TAOK1: variants seen among roughly 807,000 people sequenced by gnomAD.
TAOK1 encodes serine/threonine-protein kinase TAO1.
TAOK1 carries 21 observed loss-of-function variants against 138.3 expected under a neutral mutation model. The ratio of observed to expected loss-of-function variants is 0.15; its 90% CI spans 0.11 to 0.22. The LOEUF is 0.22. Ranked by LOEUF, TAOK1 falls within the 10% of genes least tolerant of loss-of-function variation. The probability of loss-of-function intolerance (pLI) is 1.00; values close to 1 mark genes in which losing one functional copy is unlikely to be tolerated. For synonymous variants in TAOK1, 361 were observed against 398.4 expected (o/e 0.91, Z 1.12); for missense variants, 651 against 1,227.7 (o/e 0.53, Z 7.02).
chr17:29,427,102 G>C (rs998246359), intron 1 of TAOK1, among the ~76,000 whole-genome samples: 64 of 152,258 alleles, frequency 4.2e-4, no homozygotes, highest in African/African-American at 1.3e-3. Context: ...GCAGACATGG[G>C]GGTTTTGTGG....
chr17:29,437,167 G>C (rs1314567212), intron 1 of TAOK1, among the ~76,000 whole-genome samples: 1 of 152,040 alleles, frequency 6.6e-6, no homozygotes, highest in Non-Finnish European at 1.5e-5. Context: ...GGGTTCAAGC[G>C]ATTCTCCTGC....
At chr17:29,401,742 C>T (rs1166357391) in intron 1 of TAOK1, among the ~76,000 whole-genome samples, 1 of 151,890 alleles carries the variant, frequency 6.6e-6, no homozygotes, top group Non-Finnish European at 1.5e-5. Context: ...GAAACCTCTG[C>T]CTCTTGGGCT....
intron 15 of TAOK1, chr17:29,511,230 A>ATATT (rs749567341): frequency 2.4e-5 from 5 of 206,036 alleles, no homozygotes; most frequent in Non-Finnish European, 4.0e-5. Flanking sequence ...TTTTTATTTT[A>ATATT]TATTTATTTA....
At chr17:29,456,581 T>C (rs760215012) in intron 2 of TAOK1, among the ~76,000 whole-genome samples, 1 of 150,464 alleles carries the variant, frequency 6.6e-6, no homozygotes, top group African/African-American at 2.5e-5. Flanking sequence ...ATTTCAGATT[T>C]TGGATTTTCA....
intron 13 of TAOK1, among the ~76,000 whole-genome samples, chr17:29,504,315 AAAG>A (rs1462107341): frequency 2.0e-5 from 3 of 149,500 alleles, no homozygotes; most frequent in Admixed American, 6.7e-5. Context: ...GAAGAAAAGA[AAAG>A]AAAGAAAGAA....
At chr17:29,427,780 A>G (rs1040299898) in intron 1 of TAOK1, among the ~76,000 whole-genome samples, 7 of 151,988 alleles carry the variant, frequency 4.6e-5, no homozygotes, top group Non-Finnish European at 1.0e-4. Context: ...TACAAAAATT[A>G]GCTGGGCGTG....
intron 2 of TAOK1, among the ~76,000 whole-genome samples, chr17:29,461,773 T>C (rs1293997250): frequency 6.6e-6 from 1 of 151,874 alleles, no homozygotes; most frequent in African/African-American, 2.4e-5. Flanking sequence ...TTAATGCTGA[T>C]TTAGGGGGCC....
At chr17:29,391,345 C>T (rs1268170528) in intron 1 of TAOK1, among the ~76,000 whole-genome samples, 3 of 152,130 alleles carry the variant, frequency 2.0e-5, no homozygotes, top group African/African-American at 4.8e-5. Flanking sequence ...TCCCCTTCCC[C>T]TCTGGTGCCT....
At chr17:29,480,057 A>G (rs986037497) in intron 6 of TAOK1, 5 of 172,676 alleles carry the variant, frequency 2.9e-5, no homozygotes, top group Non-Finnish European at 4.9e-5. Flanking sequence ...ATTGCAATAT[A>G]TTTTAAAAAC....
At chr17:29,429,553 G>A (rs6505130) in intron 1 of TAOK1, among the ~76,000 whole-genome samples, 64,246 of 151,936 alleles carry the variant, frequency 0.42, 14,746 homozygotes, top group East Asian at 0.88. Context: ...TGGGACTACA[G>A]GTGTGAGCCA....
At chr17:29,429,326 A>T (rs1025131325) in intron 1 of TAOK1, among the ~76,000 whole-genome samples, 17 of 150,364 alleles carry the variant, frequency 1.1e-4, no homozygotes, top group African/African-American at 3.4e-4. Flanking sequence ...GGAGAGTCTC[A>T]CTCTGTCCCC....
At chr17:29,436,609 G>C (rs934219197) in intron 1 of TAOK1, among the ~76,000 whole-genome samples, 4 of 152,210 alleles carry the variant, frequency 2.6e-5, no homozygotes, top group Non-Finnish European at 5.9e-5. Flanking sequence ...CAAGTTGTCA[G>C]GGTAATTATA....
chr17:29,498,261 C>A, intron 11 of TAOK1, 57 bp from the exon 12 acceptor site: 2 of 1,581,914 alleles, frequency 1.3e-6, no homozygotes, highest in South Asian at 1.1e-5. Flanking sequence ...GTCAAGAATT[C>A]AGAAGAGAGA....
chr17:29,461,473 A>G (rs889704349), intron 2 of TAOK1, among the ~76,000 whole-genome samples: 2 of 152,222 alleles, frequency 1.3e-5, no homozygotes, highest in African/African-American at 2.4e-5. Flanking sequence ...GAATTTTTCT[A>G]TAGACAGGGC....
At chr17:29,540,463 C>A (rs2032296687) in intron 19 of TAOK1, among the ~76,000 whole-genome samples, 1 of 152,200 alleles carries the variant, frequency 6.6e-6, no homozygotes, top group Non-Finnish European at 1.5e-5. Flanking sequence ...CTCCCAAGTT[C>A]AAGTGATTCT....
At chr17:29,506,948 C>A (rs186791093) in intron 13 of TAOK1, among the ~76,000 whole-genome samples, 254 of 152,192 alleles carry the variant, frequency 1.7e-3, no homozygotes, top group African/African-American at 5.4e-3. Flanking sequence ...ATACATACTA[C>A]AACATGGATA....
rs527963389 is a variant in TAOK1, at chr17:29,470,010, AT to A, written c.204+2797del. ...TATGATCTTAAATCTAGTATACAAC[AT>A]TTCTTATTCTATTTATACTGCTTCC... On this transcript the variant is annotated intron_variant, in intron 3 of 19. Coordinates refer to ENST00000261716, the MANE Select transcript of TAOK1 (RefSeq NM_020791.4). Among the ~76,000 whole-genome samples, 208 of 152,330 alleles carry A rather than the reference AT, an allele frequency of 1.4e-3. 1 individual carries two copies. The highest frequency in any genetic ancestry group is 2.3e-3 in the Non-Finnish European group (155 of 68,030).
chr17:29,431,693 G>A (rs1905836912), intron 1 of TAOK1, among the ~76,000 whole-genome samples: 1 of 151,836 alleles, frequency 6.6e-6, no homozygotes, highest in African/African-American at 2.4e-5. Context: ...AGGCTGGAGT[G>A]CAATGGCGCG....
intron 15 of TAOK1, among the ~76,000 whole-genome samples, chr17:29,515,713 T>C (rs1465606998): frequency 2.0e-5 from 3 of 151,718 alleles, no homozygotes; most frequent in Non-Finnish European, 4.4e-5. Context: ...CAGATGCCTG[T>C]AATCCCAGCT....
Sources: allele counts gnomAD v4.1 joint callset (sites outside exome capture counted in the v4.1 genomes callset), GRCh38; gene constraint gnomAD v4.1.1; transcripts MANE v1.5; gene names NCBI Gene and HGNC (gene_info 2026-07-23, HGNC 2026-07-21).